Variants in SKIL observed in about 807,000 individuals in gnomAD.
The protein encoded by SKIL is SKI like proto-oncogene.
In SKIL, 20 loss-of-function variants were observed where a neutral mutation model predicts 69.6. The observed-to-expected ratio is 0.29, with a 90% CI of 0.20 to 0.42. SKIL has a LOEUF of 0.42. Ranked by LOEUF, SKIL falls within the 10% of genes least tolerant of loss-of-function variation. SKIL has a pLI of 1.00. For missense variants in SKIL, 745 were observed against 783.1 expected (o/e 0.95, Z 0.58); for synonymous variants, 310 against 279.9 (o/e 1.11, Z -1.08).
chr3:170,363,641 A>G (rs1410376182), intron 2 of SKIL, among the ~76,000 whole-genome samples: 2 of 151,886 alleles, frequency 1.3e-5, no homozygotes, highest in East Asian at 3.9e-4. Context: ...ATCAGCCACC[A>G]CACCCTTTAA....
chr3:170,360,893 G>A lies in SKIL; in HGVS notation c.562G>A (p.Asp188Asn). The A allele has an allele frequency of 6.2e-7, 1 of 1,613,966 alleles. No homozygotes were observed. The change falls in exon 2 of 7, where the codon GAT becomes AAT. Residue 188 changes from aspartate to asparagine, a missense_variant. Coordinates refer to ENST00000259119, the MANE Select transcript of SKIL (RefSeq NM_005414.5). ...ACTCCAGCAAATAAATACAGTGTGT[G>A]ATGAACTGTACATATATTGTTCAAG... ...FTLQQINTVC[D>N]ELYIYCSRCT...
chr3:170,385,835 C>G (rs891700471), intron 4 of SKIL, among the ~76,000 whole-genome samples: 1 of 146,392 alleles, frequency 6.8e-6, no homozygotes, highest in African/African-American at 2.5e-5. Context: ...GAGTTTCACT[C>G]TTGTTGCCCA....
chr3:170,390,188 T>G lies in SKIL; in HGVS notation c.1430-35T>G, dbSNP rs752861228. 13 of 1,503,802 alleles carry G rather than the reference T, an allele frequency of 8.6e-6. No individual in the cohort carries two copies. The East Asian group carries it at 9.1e-5, about 10-fold the overall frequency. 93.2% of individuals were successfully genotyped at this position (1,503,802 alleles called of 1,614,324 possible). ...TAGTGATTTTTTTAATGGAGTGATA[T>G]TCATACTTTGTTACTTGATTTTTTT... On this transcript the variant is annotated intron_variant, in intron 4 of 6. Transcript: ENST00000259119.
At chr3:170,358,689 G>A (rs1018105898) in intron 1 of SKIL, 27 of 152,154 alleles carry the variant, frequency 1.8e-4, no homozygotes, top group African/African-American at 5.6e-4. Flanking sequence ...CTATTTATTG[G>A]ATTTCTTTTG....
At chr3:170,388,391 G>C (rs962934731) in intron 4 of SKIL, among the ~76,000 whole-genome samples, 2 of 151,920 alleles carry the variant, frequency 1.3e-5, no homozygotes, top group African/African-American at 4.8e-5. Flanking sequence ...ATATATTCTG[G>C]ATACTGGATC....
chr3:170,363,146 T>G (rs1308277304), intron 2 of SKIL, among the ~76,000 whole-genome samples: 4 of 152,152 alleles, frequency 2.6e-5, no homozygotes, highest in Admixed American at 1.3e-4. Flanking sequence ...ATTTTTCCAC[T>G]ATTAGTTTTG....
rs1449822995 is a variant in SKIL, at chr3:170,368,634, C to T, written c.1098+7205C>T. Reference sequence around the variant, plus strand: ...TTGAAATATTATGTATTTGAGGAGTCCTCCTTTCCTCATTTTCTTATCTAG... The same window carrying T: ...TTGAAATATTATGTATTTGAGGAGTTCTCCTTTCCTCATTTTCTTATCTAG... On this transcript the variant is annotated intron_variant, in intron 2 of 6. Transcript: ENST00000259119. 3.9e-5 allele frequency among the ~76,000 whole-genome samples: 6 copies of T among 152,182 alleles called. No individual in the cohort carries two copies. The East Asian group carries it at 9.6e-4, about 24-fold the overall frequency.
intron 2 of SKIL, among the ~76,000 whole-genome samples, chr3:170,363,030 A>G (rs1736323122): frequency 6.6e-6 from 1 of 151,862 alleles, no homozygotes; most frequent in Non-Finnish European, 1.5e-5. Context: ...AGTTCCTAAC[A>G]CTAAGTGTTT....
intron 3 of SKIL, among the ~76,000 whole-genome samples, chr3:170,381,754 C>T (rs1456974543): frequency 3.3e-5 from 5 of 151,590 alleles, no homozygotes; most frequent in African/African-American, 4.8e-5. Flanking sequence ...TCTTTATTTT[C>T]AGGCTTTCTT....
chr3:170,370,961 GACAAA>G (rs1290578181), intron 2 of SKIL, among the ~76,000 whole-genome samples: 2 of 151,900 alleles, frequency 1.3e-5, no homozygotes, highest in Admixed American at 6.6e-5. Context: ...AAAAAAACAA[GACAAA>G]ACAAAACTTA....
intron 4 of SKIL, among the ~76,000 whole-genome samples, chr3:170,389,283 T>C (rs1296342326): frequency 2.6e-5 from 4 of 151,948 alleles, no homozygotes; most frequent in Non-Finnish European, 4.4e-5. Context: ...CATGTGGATA[T>C]AGTTGTCCGT....
At chr3:170,359,452 G>T (rs1454838302) in intron 1 of SKIL, among the ~76,000 whole-genome samples, 4 of 152,116 alleles carry the variant, frequency 2.6e-5, no homozygotes, top group Non-Finnish European at 1.5e-5. Context: ...AAAAAAATTA[G>T]CCGGGTGTCG....
intron 1 of SKIL, among the ~76,000 whole-genome samples, chr3:170,359,461 C>T (rs951130879): frequency 2.0e-5 from 3 of 151,944 alleles, no homozygotes; most frequent in South Asian, 2.1e-4. Context: ...AGCCGGGTGT[C>T]GTGGCTTGTG....
intron 2 of SKIL, among the ~76,000 whole-genome samples, chr3:170,380,238 T>C (rs763073049): frequency 3.3e-4 from 51 of 152,370 alleles, no homozygotes; most frequent in South Asian, 4.1e-4. Flanking sequence ...GAATGGTATC[T>C]AGCTAATATG....
At chr3:170,379,246 A>G (rs1737203077) in intron 2 of SKIL, among the ~76,000 whole-genome samples, 1 of 151,848 alleles carries the variant, frequency 6.6e-6, no homozygotes, top group African/African-American at 2.4e-5. Context: ...CCAAAATGCT[A>G]GGATTACAGG....
At chr3:170,389,695 A>G (rs2108225480) in intron 4 of SKIL, among the ~76,000 whole-genome samples, 1 of 152,274 alleles carries the variant, frequency 6.6e-6, no homozygotes, top group Non-Finnish European at 1.5e-5. Flanking sequence ...AGTTTTTTAA[A>G]TTTCTGGACT....
rs149395933 is a variant in SKIL at position 170,373,066 on chromosome 3, C to T, written c.1099-8178C>T. On this transcript the variant is annotated intron_variant, in intron 2 of 6. Transcript: ENST00000259119. ...TCAGTGGCGTGATCTCGGCTCACAGCAACCTCGACAACCTCCACATCCCAG... is the reference window on the plus strand; with the variant it reads ...TCAGTGGCGTGATCTCGGCTCACAGTAACCTCGACAACCTCCACATCCCAG... Among the ~76,000 whole-genome samples the T allele has an allele frequency of 3.0e-3, 457 of 150,534 alleles. 3 individuals are homozygous for T. The highest frequency in any genetic ancestry group is 0.011 in the African/African-American group (439 of 41,030).
At position 170,360,536 on chromosome 3, in the gene SKIL, G is replaced by C. The variant is rs34430897; in HGVS notation, c.205G>C (p.Val69Leu). Residue 69 changes from valine to leucine, a missense_variant, in exon 2 of 7, where the codon GTT becomes CTT. Coordinates refer to ENST00000259119, the MANE Select transcript of SKIL (RefSeq NM_005414.5). ...EAPVETDGEH[V>L]KRTCTSVPET... ...ACCAGTGGAAACTGATGGAGAGCAT[G>C]TTAAGCGAACCTGTACTTCTGTTCC... 559 of 1,614,212 alleles carry C rather than the reference G, an allele frequency of 3.5e-4. No homozygotes were observed. In the African/African-American group the frequency reaches 5.7e-3, roughly 17 times the overall value.
intron 3 of SKIL, among the ~76,000 whole-genome samples, chr3:170,381,809 C>T (rs930170813): frequency 1.3e-5 from 2 of 151,122 alleles, no homozygotes; most frequent in South Asian, 2.1e-4. Flanking sequence ...AGGCTGGGCG[C>T]GGTGGCTCAT....
Sources: gnomAD v4.1 joint callset for allele counts (sites outside exome capture counted in the v4.1 genomes callset) on GRCh38, gnomAD v4.1.1 for gene constraint, MANE v1.5 for transcripts, NCBI Gene and HGNC (gene_info 2026-07-23, HGNC 2026-07-21) for gene names.